The following SLC4A5 variants were observed in gnomAD, a reference collection of about 807,000 sequenced individuals.
SLC4A5 encodes electrogenic sodium bicarbonate cotransporter 4.
In SLC4A5, 96 loss-of-function variants were observed where a neutral mutation model predicts 120.4. That is an observed-to-expected ratio of 0.80 (90% CI 0.68 to 0.94). The LOEUF (loss-of-function observed/expected upper bound fraction) is 0.94. Ranked by LOEUF, SLC4A5 falls within the 40% of genes least tolerant of loss-of-function variation. The probability of loss-of-function intolerance (pLI) is 0.00; values close to 1 mark genes in which losing one functional copy is unlikely to be tolerated. For missense variants in SLC4A5, 1,259 were observed against 1,459.5 expected, an observed-to-expected ratio of 0.86 and a Z score of 2.24; for synonymous variants, 550 against 571.1, an observed-to-expected ratio of 0.96 and a Z score of 0.53.
At chr2:74,328,086 C>G (rs1673261794) in intron 5 of SLC4A5, 34 bp downstream of exon 5, 7 of 980,026 alleles carry the variant, frequency 7.1e-6, no homozygotes, top group Admixed American at 6.2e-5. Context: ...ATAGCTCTGT[C>G]TACTTTCTCT....
intron 7 of SLC4A5, among the ~76,000 whole-genome samples, chr2:74,295,345 G>C (rs1372453677): frequency 6.6e-6 from 1 of 152,182 alleles, no homozygotes; most frequent in African/African-American, 2.4e-5. Flanking sequence ...TAAAAATTGA[G>C]TATCTCGGCC....
In SLC4A5 at chr2:74,262,112, A is replaced by T. The variant is rs529212820; in HGVS notation, c.811+25T>A. On this transcript the variant is annotated intron_variant, in intron 11 of 30. Transcript: ENST00000394019. ...CTGCCACAGCCTGAATAAAGCTGCC[A>T]CAGAGCGGCAGAGCACACACTCACA... The T allele has an allele frequency of 6.5e-4, 1,043 of 1,600,908 alleles. 15 individuals carry two copies. The South Asian group carries it at 0.011, about 17-fold the overall frequency.
chr2:74,267,410 A>G (rs1671339364), intron 8 of SLC4A5, among the ~76,000 whole-genome samples: 1 of 152,268 alleles, frequency 6.6e-6, no homozygotes, highest in African/African-American at 2.4e-5. Flanking sequence ...GGTTTTCAGT[A>G]GAAGCATGAT....
chr2:74,257,415 G>A (rs959654822), intron 12 of SLC4A5, among the ~76,000 whole-genome samples: 7 of 152,048 alleles, frequency 4.6e-5, no homozygotes, highest in African/African-American at 1.7e-4. Context: ...GTTCTTCAGG[G>A]TGGAGGGCTG....
chr2:74,216,979 G>A (rs956296898), exon 31 of SLC4A5: 1 of 152,210 alleles, frequency 6.6e-6, no homozygotes, highest in African/African-American at 2.4e-5. Flanking sequence ...AAGAGTAGAG[G>A]TTTGGAGCTT....
At chr2:74,333,221 GC>G (rs767499568) in intron 4 of SLC4A5, among the ~76,000 whole-genome samples, 9 of 152,090 alleles carry the variant, frequency 5.9e-5, no homozygotes, top group Non-Finnish European at 1.0e-4. Context: ...TACAAGGATG[GC>G]CCCCACAACA....
At chr2:74,248,566 T>G in intron 17 of SLC4A5, 80 bp from the exon 18 acceptor site, 16 of 1,520,404 alleles carry the variant, frequency 1.1e-5, no homozygotes, top group African/African-American at 2.8e-5. Flanking sequence ...CAGCGATCTC[T>G]CCACGGGCCC....
chr2:74,314,477 T>C (rs796243041), intron 6 of SLC4A5, among the ~76,000 whole-genome samples: 2 of 152,216 alleles, frequency 1.3e-5, no homozygotes, highest in South Asian at 2.1e-4. Flanking sequence ...GCCGCCCATC[T>C]GATTGCCTTT....
At chr2:74,307,232 C>T in intron 6 of SLC4A5, 1 of 524,942 alleles carries the variant, frequency 1.9e-6, no homozygotes, top group South Asian at 1.8e-5. Flanking sequence ...CCTCTCGGCT[C>T]TTCTGAGGCA....
chr2:74,240,492 T>C (rs1249915996), intron 20 of SLC4A5, among the ~76,000 whole-genome samples: 2 of 152,180 alleles, frequency 1.3e-5, no homozygotes, highest in Non-Finnish European at 2.9e-5. Flanking sequence ...TCAGTGCACA[T>C]GGCCCCTTGC....
chr2:74,273,714 GA>G (rs1230107003), intron 8 of SLC4A5, among the ~76,000 whole-genome samples: 1 of 152,204 alleles, frequency 6.6e-6, no homozygotes, highest in Non-Finnish European at 1.5e-5. Flanking sequence ...TCAGGATACT[GA>G]ATTTCCCAAC....
intron 7 of SLC4A5, among the ~76,000 whole-genome samples, chr2:74,286,310 G>A (rs1378151634): frequency 6.6e-6 from 1 of 152,152 alleles, no homozygotes; most frequent in Non-Finnish European, 1.5e-5. Flanking sequence ...GTCTTGAAAA[G>A]GCAGTCAGCC....
Position 74,264,432 on chromosome 2 carries a change from C to T in SLC4A5, c.563-133G>A, listed in dbSNP as rs1671237010. ...TGTGGAAGTACTCCTGGCTTTGCCA[C>T]TAGCTGTGGAAAACTGGGCACATCA... On this transcript the variant is annotated intron_variant, in intron 9 of 30. Coordinates refer to ENST00000394019, the Ensembl canonical transcript of SLC4A5. 6 of 1,062,530 alleles carry T rather than the reference C, an allele frequency of 5.6e-6. No individual in the cohort carries two copies. The East Asian group carries it at 1.6e-4, about 28-fold the overall frequency. The allele number at this position is 1,062,530 out of a possible 1,614,324, so 65.8% of individuals were successfully genotyped here.
intron 12 of SLC4A5, among the ~76,000 whole-genome samples, chr2:74,257,611 ACT>A (rs1671010605): frequency 6.6e-6 from 1 of 151,818 alleles, no homozygotes; most frequent in African/African-American, 2.4e-5. Context: ...CAAGAGTCTC[ACT>A]CTGTCGTAAA....
At chr2:74,315,361 A>T (rs1363407678) in intron 5 of SLC4A5, among the ~76,000 whole-genome samples, 1 of 151,138 alleles carries the variant, frequency 6.6e-6, no homozygotes, top group Non-Finnish European at 1.5e-5. Flanking sequence ...AATCTCTTGA[A>T]CCCGGGAGGT....
intron 6 of SLC4A5, chr2:74,306,863 T>G: frequency 1.6e-6 from 1 of 637,082 alleles, no homozygotes; most frequent in Non-Finnish European, 2.9e-6. Context: ...CCTTGCCATC[T>G]TCCAGCAGGC....
intron 25 of SLC4A5, among the ~76,000 whole-genome samples, chr2:74,228,491 G>A (rs186592928): frequency 1.4e-4 from 21 of 152,124 alleles, no homozygotes; most frequent in Admixed American, 3.3e-4. Context: ...TTAGCCAGGC[G>A]TGGTGGCACA....
intron 7 of SLC4A5, among the ~76,000 whole-genome samples, chr2:74,286,402 C>A (rs1398051570): frequency 1.3e-5 from 2 of 152,190 alleles, no homozygotes; most frequent in South Asian, 2.1e-4. Context: ...TTTCCTGAGG[C>A]CCCAGCCTGC....
chr2:74,252,377 AAC>A lies in SLC4A5; in HGVS notation c.1278_1279del (p.Phe427LeufsTer48), dbSNP rs757968682. 17 of 1,612,496 alleles carry A rather than the reference AAC, an allele frequency of 1.1e-5. No homozygotes were observed. In the Admixed American group the frequency reaches 1.7e-4, roughly 16 times the overall value. On this transcript the variant is annotated frameshift_variant, in exon 16 of 31. Transcript: ENST00000394019. LOFTEE classifies it high-confidence loss of function. ...CATCTGGCCCAGCTCTGCTAGGGAG[AAC>A]ACAGATTTCCTGGAAGAGAAGGGGG...
Sources: allele counts gnomAD v4.1 joint callset (sites outside exome capture counted in the v4.1 genomes callset), GRCh38; gene constraint gnomAD v4.1.1; transcripts MANE v1.5; gene names NCBI Gene and HGNC (gene_info 2026-07-23, HGNC 2026-07-21).